The following ACOT11 variants were observed in gnomAD, a reference collection of about 807,000 sequenced individuals.
ACOT11 encodes the protein acyl-CoA thioesterase 11.
A neutral mutation model predicts 77.5 loss-of-function variants in ACOT11; 69 were observed. The observed-to-expected ratio is 0.89, with a 90% CI of 0.73 to 1.09. The LOEUF is 1.09. Ranked by LOEUF, ACOT11 falls within the 50% of genes least tolerant of loss-of-function variation. The pLI is 0.00. For missense variants in ACOT11, 766 were observed against 813.7 expected, an observed-to-expected ratio of 0.94 and a Z score of 0.71; for synonymous variants, 279 against 313.0, an observed-to-expected ratio of 0.89 and a Z score of 1.15.
rs949739665 is a variant in ACOT11 at position 54,595,289 on chromosome 1, T to A, written c.607+598T>A. Among the ~76,000 whole-genome samples, 4 of 150,562 alleles carry A rather than the reference T, an allele frequency of 2.7e-5. No individual in the cohort carries two copies. The South Asian group carries it at 8.4e-4, about 32-fold the overall frequency. The stretch of plus-strand genomic sequence containing the variant: ...TGGACCTGGGAGGCGGAGATTGCAG[T>A]GAGCCGAGATCACACCATTGCACTC... On this transcript the variant is annotated intron_variant, in intron 6 of 15. Coordinates refer to ENST00000343744, the MANE Select transcript of ACOT11 (RefSeq NM_147161.4).
At chr1:54,591,799 C>T (rs1654722785) in intron 3 of ACOT11, among the ~76,000 whole-genome samples, 1 of 152,220 alleles carries the variant, frequency 6.6e-6, no homozygotes, top group South Asian at 2.1e-4. Flanking sequence ...AGAAGTCTGG[C>T]TCTGCCACTT....
At position 54,584,850 on chromosome 1, in the gene ACOT11, G is replaced by C. The variant is rs745405794; in HGVS notation, c.229G>C (p.Ala77Pro). Reference protein sequence around the residue: ...GQLLKWIDTTACLSAERHAGC... With the variant: ...GQLLKWIDTTPCLSAERHAGC... ...GCTGCTCAAGTGGATTGACACCACG[G>C]CTTGCCTGTCCGGTAAGGCTGCGCT... is the stretch of plus-strand genomic sequence containing the variant. Residue 77 changes from alanine (A) to proline (P), a missense_variant, in exon 2 of 16, where the codon GCT becomes CCT. Coordinates refer to ENST00000343744, the MANE Select transcript of ACOT11 (RefSeq NM_147161.4). The surrounding 1 kb of genome is among the most constrained non-coding windows in gnomAD (Gnocchi z 6.3). The C allele has an allele frequency of 6.2e-7, 1 of 1,613,102 alleles. No individual in the cohort carries two copies. The highest frequency in any genetic ancestry group is 8.5e-7 in the Non-Finnish European group (1 of 1,179,624).
chr1:54,633,908 C>A (rs1261724838), intron 16 of ACOT11, among the ~76,000 whole-genome samples: 1 of 152,160 alleles, frequency 6.6e-6, no homozygotes, highest in Non-Finnish European at 1.5e-5. Flanking sequence ...TAGAATAGAT[C>A]CAGAGAAGAC....
chr1:54,630,082 G>C (rs1217821035), intron 15 of ACOT11, among the ~76,000 whole-genome samples: 1 of 132,972 alleles, frequency 7.5e-6, no homozygotes, highest in Non-Finnish European at 1.7e-5. Flanking sequence ...TGTATTTTTA[G>C]TAGAGACGAG....
downstream of ACOT11, chr1:54,612,643 T>G (rs997455557): frequency 6.2e-7 from 1 of 1,614,032 alleles, no homozygotes; most frequent in African/African-American, 1.3e-5. Context: ...GACGTGGACA[T>G]GTAGAAGGTG....
intron 8 of ACOT11, among the ~76,000 whole-genome samples, chr1:54,600,036 T>C (rs1044346079): frequency 2.0e-5 from 3 of 152,182 alleles, no homozygotes; most frequent in Admixed American, 6.5e-5. Flanking sequence ...CTTTCACCTA[T>C]AAAATGGGGC....
chr1:54,551,749 GTTT>G (rs1234241201), intron 1 of ACOT11, among the ~76,000 whole-genome samples: 2 of 151,502 alleles, frequency 1.3e-5, no homozygotes, highest in African/African-American at 2.4e-5. Flanking sequence ...TTTTGTTTTT[GTTT>G]TTGTTTTTGT....
chr1:54,609,668 GA>G lies in ACOT11; in HGVS notation c.*561del. 6.2e-7 allele frequency: 1 copy of G among 1,613,980 alleles called. No homozygotes were observed. The highest frequency in any genetic ancestry group is 1.3e-5 in the African/African-American group (1 of 75,074). On this transcript the variant is annotated 3_prime_UTR_variant, in exon 16 of 16. Coordinates refer to ENST00000343744, the MANE Select transcript of ACOT11 (RefSeq NM_147161.4). ...TCTGCCAGCCACATGGCCGGGGACC[GA>G]AAAACTCCCGTGGGAGATTTTGGCC...
At chr1:54,639,075 T>G (rs1204011931) in exon 17 of ACOT11, 1 of 150,424 alleles carries the variant, frequency 6.6e-6, no homozygotes. Flanking sequence ...GCACCTATAA[T>G]CCCAGCTACT....
chr1:54,549,385 C>G (rs1439348950), intron 1 of ACOT11, among the ~76,000 whole-genome samples: 3 of 152,208 alleles, frequency 2.0e-5, no homozygotes, highest in Non-Finnish European at 4.4e-5. Context: ...CCTGCTTCAG[C>G]CATAGTGAGC....
intron 1 of ACOT11, among the ~76,000 whole-genome samples, chr1:54,572,274 G>A (rs1326337141): frequency 6.6e-6 from 1 of 152,042 alleles, no homozygotes; most frequent in African/African-American, 2.4e-5. Flanking sequence ...CTCTCCTGAA[G>A]GGGAATTGTG....
chr1:54,592,446 C>T, intron 3 of ACOT11, 100 bp from the exon 4 acceptor site: 1 of 1,165,436 alleles, frequency 8.6e-7, no homozygotes, highest in Non-Finnish European at 1.2e-6. Flanking sequence ...ATGAAGTTAT[C>T]CTGCCAGCTC....
chr1:54,586,686 C>T (rs948752463), intron 3 of ACOT11, among the ~76,000 whole-genome samples: 6 of 152,120 alleles, frequency 3.9e-5, no homozygotes, highest in African/African-American at 1.4e-4. Context: ...CACCTGCCCT[C>T]GCCTCCCAAA....
At chr1:54,555,255 G>A (rs959494198) in intron 1 of ACOT11, among the ~76,000 whole-genome samples, 3 of 152,144 alleles carry the variant, frequency 2.0e-5, no homozygotes, top group South Asian at 2.1e-4. Flanking sequence ...CACCACGTCT[G>A]GCTCTGGTTT....
intron 15 of ACOT11, among the ~76,000 whole-genome samples, chr1:54,618,358 G>A (rs1366628177): frequency 1.3e-5 from 2 of 152,058 alleles, no homozygotes; most frequent in Non-Finnish European, 2.9e-5. Context: ...ACAAAAATTA[G>A]CCAGGCATGG....
chr1:54,618,628 A>G (rs1569797099), intron 15 of ACOT11, among the ~76,000 whole-genome samples: 1 of 152,166 alleles, frequency 6.6e-6, no homozygotes, highest in East Asian at 1.9e-4. Flanking sequence ...GATGAGAGGA[A>G]AGGATTTGTT....
intron 13 of ACOT11, among the ~76,000 whole-genome samples, chr1:54,606,078 G>A (rs1644022118): frequency 6.6e-6 from 1 of 152,188 alleles, no homozygotes. Flanking sequence ...GAGCAGGCTT[G>A]TAGCTCTTTA....
intron 10 of ACOT11, 99 bp from the exon 11 acceptor site, chr1:54,603,772 G>A (rs1182093779): frequency 4.3e-6 from 5 of 1,153,236 alleles, no homozygotes; most frequent in Non-Finnish European, 6.5e-6. Flanking sequence ...ATTCTGCCGG[G>A]CTCAGCACAG....
At chr1:54,613,995 C>T (rs1011806770), downstream of ACOT11, among the ~76,000 whole-genome samples, 1 of 152,216 alleles carries the variant, frequency 6.6e-6, no homozygotes, top group African/African-American at 2.4e-5. Context: ...CTACCTACCT[C>T]ATTCTCATAA....
Sources: allele counts gnomAD v4.1 joint callset (sites outside exome capture counted in the v4.1 genomes callset), GRCh38; gene constraint gnomAD v4.1.1; non-coding constraint Gnocchi (gnomAD v3.1); transcripts MANE v1.5; gene names NCBI Gene and HGNC (gene_info 2026-07-23, HGNC 2026-07-21).